Variants in PTPRJ observed in about 807,000 individuals in gnomAD.
PTPRJ encodes receptor-type tyrosine-protein phosphatase eta.
PTPRJ carries 129 observed loss-of-function variants against 141.3 expected under a neutral mutation model. The ratio of observed to expected loss-of-function variants is 0.91; its 90% CI spans 0.79 to 1.06. The LOEUF is 1.06. Among genes scored for constraint, PTPRJ ranks in the 50% least tolerant of loss-of-function variants. PTPRJ has a pLI of 0.00. For missense variants in PTPRJ, 1,601 were observed against 1,679.7 expected (o/e 0.95, Z 0.82); for synonymous variants, 610 against 640.5 (o/e 0.95, Z 0.72).
rs140174173 is a variant in PTPRJ, at chr11:48,110,069, A to G, written c.108A>G (p.Ala36=). 4.3e-6 allele frequency: 7 copies of G among 1,614,002 alleles called. No homozygotes were observed. Among genetic ancestry groups the G allele is most frequent in the Non-Finnish European group, 5.9e-6 (7 of 1,179,880 alleles). ...TTTTTCTGTTTCAGATCCTGTGCGC[A>G]GGTGGCAGTGAGTACCCTTTTCCTC... ...LLLRLGQILC[A]GGTPSPIPDP... is the part of the protein sequence containing the mutation. The change falls in exon 2 of 25, where the codon GCA becomes GCG. Residue 36 remains alanine, a synonymous_variant. Coordinates refer to ENST00000418331, the MANE Select transcript of PTPRJ (RefSeq NM_002843.4).
intron 1 of PTPRJ, among the ~76,000 whole-genome samples, chr11:47,984,102 C>T (rs1215586947): frequency 1.3e-5 from 2 of 152,186 alleles, no homozygotes; most frequent in African/African-American, 2.4e-5. Flanking sequence ...ACGAAAACAG[C>T]AAATTGGTTT....
chr11:48,155,897 A>G, intron 20 of PTPRJ, 23 bp downstream of exon 20: 1 of 1,590,086 alleles, frequency 6.3e-7, no homozygotes, highest in Non-Finnish European at 8.6e-7. Flanking sequence ...ACGGTCTCAC[A>G]GCACTGGACT....
intron 1 of PTPRJ, among the ~76,000 whole-genome samples, chr11:47,983,157 G>T (rs1681612): frequency 0.053 from 8,047 of 152,150 alleles, 680 homozygotes; most frequent in African/African-American, 0.18. Context: ...CTGGGTCACC[G>T]GCCTGGGCCT....
intron 1 of PTPRJ, among the ~76,000 whole-genome samples, chr11:48,107,368 G>T (rs533901117): frequency 2.0e-5 from 3 of 152,154 alleles, no homozygotes; most frequent in Non-Finnish European, 4.4e-5. Context: ...AAGGCTCACC[G>T]GCGAGGGGTT....
intron 1 of PTPRJ, among the ~76,000 whole-genome samples, chr11:48,093,943 G>A (rs376946876): frequency 6.6e-6 from 1 of 152,178 alleles, no homozygotes; most frequent in Non-Finnish European, 1.5e-5. Context: ...GATTGTGGTT[G>A]GAGAAAGCCC....
At chr11:48,105,078 T>C (rs1856252459) in intron 1 of PTPRJ, among the ~76,000 whole-genome samples, 1 of 152,122 alleles carries the variant, frequency 6.6e-6, no homozygotes, top group Admixed American at 6.5e-5. Context: ...GTTAATATTA[T>C]AATAAGTAGA....
intron 4 of PTPRJ, 30 bp downstream of exon 4, chr11:48,121,296 C>T (rs1856702381): frequency 6.2e-7 from 1 of 1,606,284 alleles, no homozygotes; most frequent in Admixed American, 1.7e-5. Context: ...GGGATGATGA[C>T]AAACCATTTC....
At chr11:48,105,301 A>G (rs1042130694) in intron 1 of PTPRJ, among the ~76,000 whole-genome samples, 1 of 151,584 alleles carries the variant, frequency 6.6e-6, no homozygotes, top group Non-Finnish European at 1.5e-5. Flanking sequence ...CACCTTAAGC[A>G]CCCTCTGCAT....
chr11:47,990,726 C>G (rs1006128114), intron 1 of PTPRJ, among the ~76,000 whole-genome samples: 1 of 148,316 alleles, frequency 6.7e-6, no homozygotes, highest in African/African-American at 2.5e-5. Context: ...CACCCAGTCA[C>G]CCAGGCTGGA....
intron 1 of PTPRJ, among the ~76,000 whole-genome samples, chr11:48,069,354 C>T (rs1447434651): frequency 6.6e-6 from 1 of 151,814 alleles, no homozygotes; most frequent in African/African-American, 2.4e-5. Flanking sequence ...CTGCCTTGGC[C>T]TCCCAAAGTG....
At chr11:48,026,517 T>C (rs1853814684) in intron 1 of PTPRJ, among the ~76,000 whole-genome samples, 2 of 151,880 alleles carry the variant, frequency 1.3e-5, no homozygotes, top group South Asian at 4.1e-4. Context: ...GTTTCGCTCT[T>C]ATTGCCCAGG....
At chr11:48,159,693 T>C (rs1031495890) in intron 21 of PTPRJ, among the ~76,000 whole-genome samples, 1 of 152,142 alleles carries the variant, frequency 6.6e-6, no homozygotes, top group Admixed American at 6.5e-5. Flanking sequence ...GAATTGGAGG[T>C]GGTAGTGTGC....
intron 1 of PTPRJ, among the ~76,000 whole-genome samples, chr11:47,982,441 A>G (rs557370502): frequency 6.6e-6 from 1 of 152,264 alleles, no homozygotes; most frequent in Admixed American, 6.5e-5. Flanking sequence ...GGGTTTCCAC[A>G]TGGGATTCTC....
At chr11:47,995,656 G>A (rs550213932) in intron 1 of PTPRJ, among the ~76,000 whole-genome samples, 1 of 152,286 alleles carries the variant, frequency 6.6e-6, no homozygotes, top group Admixed American at 6.5e-5. Flanking sequence ...ATCATGTTGG[G>A]GTGTGGGCCT....
intron 1 of PTPRJ, among the ~76,000 whole-genome samples, chr11:47,992,561 T>C (rs1210217998): frequency 1.3e-5 from 2 of 152,226 alleles, no homozygotes; most frequent in African/African-American, 4.8e-5. Flanking sequence ...AATTATTAGG[T>C]TGAACCATAT....
chr11:48,065,906 T>C (rs1289710295), intron 1 of PTPRJ, among the ~76,000 whole-genome samples: 5 of 152,268 alleles, frequency 3.3e-5, no homozygotes, highest in African/African-American at 1.2e-4. Flanking sequence ...TATACCATGC[T>C]GGCCTTCATG....
chr11:48,126,393 C>T (rs902220400), intron 6 of PTPRJ, among the ~76,000 whole-genome samples: 3 of 151,826 alleles, frequency 2.0e-5, no homozygotes, highest in African/African-American at 4.8e-5. Flanking sequence ...CTATAAGGGG[C>T]GAGTGTGTGT....
At chr11:48,089,341 G>A (rs1295901035) in intron 1 of PTPRJ, among the ~76,000 whole-genome samples, 1 of 151,982 alleles carries the variant, frequency 6.6e-6, no homozygotes, top group Non-Finnish European at 1.5e-5. Context: ...ACATGGTGAA[G>A]CCCATCTCAA....
intron 2 of PTPRJ, 116 bp from the exon 3 acceptor site, chr11:48,112,631 G>C (rs1856469684): frequency 1.3e-6 from 1 of 760,608 alleles, no homozygotes; most frequent in Non-Finnish European, 2.2e-6. Flanking sequence ...GAGAAAGAGA[G>C]GGATCAGTTT....
Sources: gnomAD v4.1 joint callset for allele counts (sites outside exome capture counted in the v4.1 genomes callset) on GRCh38, gnomAD v4.1.1 for gene constraint, MANE v1.5 for transcripts, NCBI Gene and HGNC (gene_info 2026-07-23, HGNC 2026-07-21) for gene names.